The following ZNF511 variants were observed in gnomAD, a reference collection of about 807,000 sequenced individuals.
ZNF511 encodes the protein zinc finger protein 511.
In ZNF511, 26 loss-of-function variants were observed where a neutral mutation model predicts 24.8. That is an observed-to-expected ratio of 1.05 (90% CI 0.77 to 1.46). ZNF511 has a LOEUF of 1.46. ZNF511 is among the 40% of genes most tolerant of loss of function. The pLI is 0.00. For missense variants in ZNF511, 358 were observed against 345.0 expected, an observed-to-expected ratio of 1.04 and a Z score of -0.30; for synonymous variants, 144 against 139.6, an observed-to-expected ratio of 1.03 and a Z score of -0.22.
chr10:133,312,050 T>C (rs1451307182), intron 5 of ZNF511: 4 of 1,488,308 alleles, frequency 2.7e-6, no homozygotes, highest in African/African-American at 1.4e-5. Flanking sequence ...TTTTGAGCCA[T>C]TGAAGCGCAG....
At chr10:133,309,242 C>CG in intron 1 of ZNF511, 146 bp downstream of exon 1, 1 of 855,902 alleles carries the variant, frequency 1.2e-6, no homozygotes, top group East Asian at 4.2e-5. Context: ...GGTGGTGGGG[C>CG]GGGGCCGGAA....
chr10:133,309,192 C>T lies in ZNF511; in HGVS notation c.153+96C>T, dbSNP rs1426798606. Reference sequence around the variant, plus strand: ...AGCCTGGAGTGGGAGGGGCCTACGACTGCGGGGCGGGGCCGGAGCCTGGGA... The same window carrying T: ...AGCCTGGAGTGGGAGGGGCCTACGATTGCGGGGCGGGGCCGGAGCCTGGGA... On this transcript the variant is annotated intron_variant, in intron 1 of 5. Coordinates refer to ENST00000361518, the MANE Select transcript of ZNF511 (RefSeq NM_145806.4). 4.4e-6 allele frequency: 6 copies of T among 1,366,726 alleles called. No individual in the cohort carries two copies. In the South Asian group the frequency reaches 6.5e-5, roughly 15 times the overall value. The allele number at this position is 1,366,726 out of a possible 1,614,324, so 84.7% of individuals were successfully genotyped here. A position where few individuals can be genotyped will look rare whatever the true frequency, so the allele number is the denominator to read the frequency against.
At position 133,310,262 on chromosome 10, in the gene ZNF511, G is replaced by C; in HGVS notation, c.528G>C (p.Arg176=). The C allele has an allele frequency of 6.2e-7, 1 of 1,614,028 alleles. No homozygotes were observed. Among genetic ancestry groups the C allele is most frequent in the South Asian group, 1.1e-5 (1 of 91,092 alleles). Residue 176 remains arginine, a synonymous_variant, in exon 4 of 6, where the codon CGG becomes CGC. Coordinates refer to ENST00000361518, the MANE Select transcript of ZNF511 (RefSeq NM_145806.4). The stretch of plus-strand genomic sequence containing the variant: ...TGCACCTGTACCCCGCGGACTTCCG[G>C]TTTGATAAGCCAAAGAAAAGCAGAA... ...VRMHLYPADF[R]FDKPKKSRSP... is the part of the protein sequence containing the mutation.
intron 3 of ZNF511, 88 bp downstream of exon 3, chr10:133,310,065 G>A (rs1847953967): frequency 1.2e-6 from 2 of 1,609,664 alleles, no homozygotes; most frequent in East Asian, 4.5e-5. Context: ...GCTCGGGCAA[G>A]GCCGGGGACA....
chr10:133,311,361 C>T (rs976339709), intron 4 of ZNF511, among the ~76,000 whole-genome samples: 17 of 152,120 alleles, frequency 1.1e-4, no homozygotes, highest in Non-Finnish European at 2.1e-4. Flanking sequence ...TTAAGACATT[C>T]GTATTATGGA....
chr10:133,312,890 G>T lies in ZNF511; in HGVS notation c.*24G>T, dbSNP rs781469796. 8 of 1,613,816 alleles carry T rather than the reference G, an allele frequency of 5.0e-6. No homozygotes were observed. Among genetic ancestry groups the T allele is most frequent in the African/African-American group, 1.3e-5 (1 of 74,948 alleles). On this transcript the variant is annotated 3_prime_UTR_variant, in exon 6 of 6. Transcript: ENST00000361518. ...GATAGACTCAGAAAAGGAGTGGGGG[G>T]CAGTCACCACTGCTGGGCGTGGCAT...
At chr10:133,309,518 G>C (rs1382059093) in intron 2 of ZNF511, 55 bp downstream of exon 2, 6 of 1,554,184 alleles carry the variant, frequency 3.9e-6, no homozygotes, top group Non-Finnish European at 5.3e-6. Context: ...CTCCCTGACC[G>C]GTGCCTGGTC....
chr10:133,309,340 G>T, intron 1 of ZNF511, 50 bp from the exon 2 acceptor site: 1 of 1,585,004 alleles, frequency 6.3e-7, no homozygotes, highest in South Asian at 1.1e-5. Context: ...CTGACGCGGT[G>T]GGCGTGCCGC....
At chr10:133,312,364 A>G (rs766978157) in intron 5 of ZNF511, 218 of 1,162,100 alleles carry the variant, frequency 1.9e-4, no homozygotes, top group Non-Finnish European at 2.3e-4. Flanking sequence ...ACGGTGAACA[A>G]GTGGGGAAAA....
rs776110770 is a variant in ZNF511 at position 133,311,775 on chromosome 10, A to G, written c.614A>G (p.Glu205Gly). 1.2e-5 allele frequency: 19 copies of G among 1,613,638 alleles called. No individual in the cohort carries two copies. The highest frequency in any genetic ancestry group is 1.7e-5 in the Admixed American group (1 of 60,004). The change falls in exon 5 of 6, where the codon GAA becomes GGA. Residue 205 changes from glutamate to glycine, a missense_variant. Physicochemically the swap from Glu to Gly is moderately conservative, Grantham distance 98. Transcript: ENST00000361518. ...SGERSEGEAMEICSEPVAASP... is the reference protein window; with the variant it reads ...SGERSEGEAMGICSEPVAASP... ...GAGCGGTCAGAAGGGGAGGCCATGG[A>G]AATCTGCTCTGAGCCTGTGGCAGCC...
At chr10:133,312,327 A>C in intron 5 of ZNF511, 1 of 1,177,800 alleles carries the variant, frequency 8.5e-7, no homozygotes, top group South Asian at 2.3e-5. Flanking sequence ...TTCTAGTTAA[A>C]GTTGATTTTA....
chr10:133,311,857 C>T lies in ZNF511; in HGVS notation c.680+16C>T. 1 of 1,613,322 alleles carries T rather than the reference C, an allele frequency of 6.2e-7. No individual in the cohort carries two copies. Among genetic ancestry groups the T allele is most frequent in the Middle Eastern group, 1.6e-4 (1 of 6,062 alleles). On this transcript the variant is annotated intron_variant, in intron 5 of 5. Transcript: ENST00000361518. ...ACAGACATAGGTCAGTGTCTGAGCT[C>T]TTTCTGAAACCCGTTCTCAACATGT...
chr10:133,311,918 G>T, intron 5 of ZNF511, 77 bp downstream of exon 5: 1 of 1,613,146 alleles, frequency 6.2e-7, no homozygotes. Context: ...CACCTGGGCC[G>T]CAGCTCTTCT....
In ZNF511 at chr10:133,308,935, C is replaced by G; in HGVS notation, c.-9C>G. On this transcript the variant is annotated 5_prime_UTR_variant, in exon 1 of 6. Transcript: ENST00000361518. The stretch of plus-strand genomic sequence containing the variant: ...GGCCGACAGGCTGCGCCCGCCCGCG[C>G]CCGGGGTGATGCAGTTGCCCCCCGC... The G allele has an allele frequency of 8.2e-7, 1 of 1,222,774 alleles. No individual in the cohort carries two copies. The highest frequency in any genetic ancestry group is 1.0e-6 in the Non-Finnish European group (1 of 977,248). The allele number at this position is 1,222,774 out of a possible 1,614,324, so 75.7% of individuals were successfully genotyped here. A position where few individuals can be genotyped will look rare whatever the true frequency, so the allele number is the denominator to read the frequency against.
chr10:133,312,003 G>T, intron 5 of ZNF511, 162 bp downstream of exon 5: 1 of 1,594,630 alleles, frequency 6.3e-7, no homozygotes. Context: ...GATATCTCAG[G>T]TCCTGTGAAT....
chr10:133,309,615 C>T (rs1589842392), intron 2 of ZNF511, 152 bp downstream of exon 2: 1 of 1,266,652 alleles, frequency 7.9e-7, no homozygotes, highest in East Asian at 2.5e-5. Context: ...GACTCTTCCA[C>T]CACCTAGCCT....
chr10:133,312,186 A>G (rs994261423), intron 5 of ZNF511: 2 of 1,412,676 alleles, frequency 1.4e-6, no homozygotes, highest in African/African-American at 1.4e-5. Context: ...CTGCGTTTCT[A>G]GCGTCACCTG....
At chr10:133,312,048 C>G (rs981497048) in intron 5 of ZNF511, 2 of 1,488,326 alleles carry the variant, frequency 1.3e-6, no homozygotes, top group Middle Eastern at 1.8e-4. Context: ...GTTTTTGAGC[C>G]ATTGAAGCGC....
chr10:133,310,131 G>A, intron 3 of ZNF511, 33 bp from the exon 4 acceptor site: 1 of 1,613,042 alleles, frequency 6.2e-7, no homozygotes, highest in Non-Finnish European at 8.5e-7. Context: ...GAGGGCCAGG[G>A]GTCAGAGGGA....
Sources: allele counts gnomAD v4.1 joint callset (sites outside exome capture counted in the v4.1 genomes callset), GRCh38; gene constraint gnomAD v4.1.1; transcripts MANE v1.5; gene names NCBI Gene and HGNC (gene_info 2026-07-23, HGNC 2026-07-21).